BBOF1: variants seen among roughly 807,000 people sequenced by gnomAD.
BBOF1 encodes basal body orientation factor 1.
BBOF1 carries 62 observed loss-of-function variants against 68.0 expected under a neutral mutation model. That is an observed-to-expected ratio of 0.91 (90% confidence interval 0.74 to 1.13). BBOF1 has a LOEUF of 1.13. Among genes scored for constraint, BBOF1 ranks in the 50% most tolerant of loss-of-function variants. BBOF1 has a pLI of 0.00. For missense variants in BBOF1, 534 were observed against 600.1 expected, an observed-to-expected ratio of 0.89 and a Z score of 1.15; for synonymous variants, 208 against 198.8, an observed-to-expected ratio of 1.05 and a Z score of -0.39.
chr14:74,039,585 C>T (rs1033141570), intron 4 of BBOF1, among the ~76,000 whole-genome samples: 4 of 140,172 alleles, frequency 2.9e-5, no homozygotes, highest in Admixed American at 1.5e-4. Flanking sequence ...TGTGGCATCA[C>T]GCCTGGCTAA....
At chr14:74,028,787 C>A (rs1402456171) in intron 2 of BBOF1, among the ~76,000 whole-genome samples, 1 of 151,916 alleles carries the variant, frequency 6.6e-6, no homozygotes, top group Non-Finnish European at 1.5e-5. Context: ...CGGCTCACTG[C>A]AACCTCTGCC....
chr14:74,033,405 TA>T (rs1339481490), intron 3 of BBOF1, among the ~76,000 whole-genome samples: 2 of 151,312 alleles, frequency 1.3e-5, no homozygotes, highest in African/African-American at 2.4e-5. Flanking sequence ...CCATCTCTAC[TA>T]AAAAATACAA....
In BBOF1 at chr14:74,023,719, C is replaced by T. The variant is rs187699115; in HGVS notation, c.285+575C>T. Among the ~76,000 whole-genome samples, 7 of 152,000 alleles carry T rather than the reference C, an allele frequency of 4.6e-5. No homozygotes were observed. In the East Asian group the frequency reaches 1.2e-3, roughly 25 times the overall value. Reference sequence around the variant, plus strand: ...TTGCCTGAGCCCAGGAGTTCGTGACCAGCCTGGGCAACACAGTGAAACCCC... The same window carrying T: ...TTGCCTGAGCCCAGGAGTTCGTGACTAGCCTGGGCAACACAGTGAAACCCC... On this transcript the variant is annotated intron_variant, in intron 2 of 11. Transcript: ENST00000394009.
chr14:74,044,932 C>G (rs2059917009), intron 5 of BBOF1, among the ~76,000 whole-genome samples: 1 of 152,058 alleles, frequency 6.6e-6, no homozygotes. Context: ...GAGATGGGGT[C>G]TCCCTATGTT....
chr14:74,025,922 A>G (rs1457376954), intron 2 of BBOF1, among the ~76,000 whole-genome samples: 2 of 148,066 alleles, frequency 1.4e-5, no homozygotes, highest in African/African-American at 5.0e-5. Flanking sequence ...GGTGCATCAC[A>G]TGAGGCCAGG....
intron 9 of BBOF1, chr14:74,072,010 G>A (rs774246751): frequency 3.1e-6 from 5 of 1,602,730 alleles, no homozygotes; most frequent in Non-Finnish European, 4.3e-6. Flanking sequence ...ATTAATGCAA[G>A]AATGTTCCTC....
At chr14:74,056,854 A>C in intron 9 of BBOF1, 52 bp from the exon 10 acceptor site, 1 of 1,213,740 alleles carries the variant, frequency 8.2e-7, no homozygotes, top group East Asian at 2.3e-5. Flanking sequence ...ATATGAAGGC[A>C]TGAGGAGACA....
intron 11 of BBOF1, chr14:74,060,023 G>T (rs1436560743): frequency 6.5e-6 from 1 of 154,418 alleles, no homozygotes; most frequent in African/African-American, 2.4e-5. Flanking sequence ...TTTGCAGGAG[G>T]TCTCTCCCAG....
Position 74,049,820 on chromosome 14 carries a change from A to G in BBOF1, c.911A>G (p.Lys304Arg), listed in dbSNP as rs1350839951. The change falls in exon 8 of 12, where the codon AAA (lysine) becomes AGA (arginine). Residue 304 changes from lysine (K) to arginine (R), a missense_variant. Lys to Arg is a conservative substitution (Grantham distance 26). Coordinates refer to ENST00000394009, the MANE Select transcript of BBOF1 (RefSeq NM_025057.3). ...NLETALSYMTKEFESEVLKLQ... is the reference protein window; with the variant it reads ...NLETALSYMTREFESEVLKLQ... ...GAGACTGCTCTGAGTTACATGACCA[A>G]AGAGTTTGAGAGTGAAGTTTTAAAA... 6.2e-7 allele frequency: 1 copy of G among 1,614,170 alleles called. No homozygotes were observed. The highest frequency in any genetic ancestry group is 2.2e-5 in the East Asian group (1 of 44,876).
At chr14:74,035,421 T>C (rs2059674227) in intron 4 of BBOF1, among the ~76,000 whole-genome samples, 1 of 144,426 alleles carries the variant, frequency 6.9e-6, no homozygotes, top group Admixed American at 6.9e-5. Context: ...CCCTTTTTTT[T>C]TTTTTTTTTT....
At chr14:74,042,602 C>G (rs2059846538) in intron 5 of BBOF1, among the ~76,000 whole-genome samples, 1 of 152,164 alleles carries the variant, frequency 6.6e-6, no homozygotes, top group East Asian at 1.9e-4. Flanking sequence ...GCCATAACAA[C>G]TTTCCCAGAA....
At chr14:74,060,464 A>T in intron 11 of BBOF1, 1 of 623,532 alleles carries the variant, frequency 1.6e-6, no homozygotes. Flanking sequence ...ATCTGGTTTC[A>T]TTGTTACACT....
rs572516868 is a variant in BBOF1, at chr14:74,047,463, C to G, written c.648-467C>G. ...TATTTATTTTTGAGACAGGGTCTCG[C>G]TCTGTCACCCAGGCTGGAGTGCAGT... On this transcript the variant is annotated intron_variant, in intron 6 of 11. Transcript: ENST00000394009. Among the ~76,000 whole-genome samples, 535 of 150,502 alleles carry G rather than the reference C, an allele frequency of 3.6e-3. 4 individuals are homozygous for G. The highest frequency in any genetic ancestry group is 0.013 in the African/African-American group (504 of 40,164).
downstream of BBOF1, chr14:74,070,948 CT>C: frequency 1.9e-6 from 1 of 522,406 alleles, no homozygotes; most frequent in South Asian, 2.1e-5. Context: ...TTAATCTTAT[CT>C]GTGTCTAGCC....
At chr14:74,074,269 G>T (rs1345367424) in intron 9 of BBOF1, among the ~76,000 whole-genome samples, 2 of 145,514 alleles carry the variant, frequency 1.4e-5, no homozygotes, top group Non-Finnish European at 3.0e-5. Flanking sequence ...GAGCCACTGC[G>T]CCCGGCCCCT....
intron 9 of BBOF1, among the ~76,000 whole-genome samples, chr14:74,072,916 C>T (rs1005244884): frequency 6.6e-6 from 1 of 151,872 alleles, no homozygotes; most frequent in African/African-American, 2.4e-5. Flanking sequence ...TCTCTTGCCT[C>T]AGCCCTTCGA....
At chr14:74,069,110 T>C, downstream of BBOF1, 5 of 1,108,048 alleles carry the variant, frequency 4.5e-6, no homozygotes, top group Admixed American at 2.7e-5. Flanking sequence ...TCTTTTTTTT[T>C]TTTTTTTTTT....
At chr14:74,030,584 C>G (rs1199804212) in intron 3 of BBOF1, among the ~76,000 whole-genome samples, 2 of 151,858 alleles carry the variant, frequency 1.3e-5, no homozygotes, top group Non-Finnish European at 2.9e-5. Context: ...CAAGCTCCAT[C>G]TATTGGGTTC....
chr14:74,039,489 T>C (rs2059782599), intron 4 of BBOF1, among the ~76,000 whole-genome samples: 2 of 152,164 alleles, frequency 1.3e-5, no homozygotes, highest in African/African-American at 4.8e-5. Context: ...AGTGCAATGA[T>C]GCAATCTCGG....
Sources: gnomAD v4.1 joint callset for allele counts (sites outside exome capture counted in the v4.1 genomes callset) on GRCh38, gnomAD v4.1.1 for gene constraint, MANE v1.5 for transcripts, NCBI Gene and HGNC (gene_info 2026-07-23, HGNC 2026-07-21) for gene names.